Variants in AHCYL2 observed in about 807,000 individuals in gnomAD.
AHCYL2 encodes the protein S-adenosylhomocysteine hydrolase-like protein 2.
AHCYL2 carries 28 observed loss-of-function variants against 81.4 expected under a neutral mutation model. The ratio of observed to expected loss-of-function variants is 0.34; its 90% CI spans 0.25 to 0.47. The LOEUF (loss-of-function observed/expected upper bound fraction) is 0.47. Ranked by LOEUF, AHCYL2 falls within the 20% of genes least tolerant of loss-of-function variation. The pLI, the probability that AHCYL2 is intolerant of heterozygous loss-of-function variation, is 1.00. For synonymous variants in AHCYL2, 272 were observed against 290.2 expected (o/e 0.94, Z 0.64); for missense variants, 551 against 785.1 (o/e 0.70, Z 3.56).
Position 129,233,604 on chromosome 7 carries a change from C to T in AHCYL2, c.363+8165C>T, listed in dbSNP as rs536428636. ...CCGGGTTCAAGCGATTCTCCTGCCT[C>T]AGCCTCATGAGTAGCTGGGACTACA... is the stretch of plus-strand genomic sequence containing the variant. On this transcript the variant is annotated intron_variant, in intron 1 of 16. Transcript: ENST00000325006. Among the ~76,000 whole-genome samples the T allele has an allele frequency of 3.7e-4, 56 of 152,302 alleles. 2 individuals carry two copies. In the South Asian group the frequency reaches 0.011, roughly 31 times the overall value.
intron 1 of AHCYL2, among the ~76,000 whole-genome samples, chr7:129,278,855 T>A (rs1796319353): frequency 6.6e-6 from 1 of 151,678 alleles, no homozygotes; most frequent in African/African-American, 2.4e-5. Flanking sequence ...TCTTGCACCT[T>A]TGTTGAAAAT....
At chr7:129,232,198 G>T (rs1370401394) in intron 1 of AHCYL2, among the ~76,000 whole-genome samples, 1 of 152,130 alleles carries the variant, frequency 6.6e-6, no homozygotes, top group Non-Finnish European at 1.5e-5. Flanking sequence ...CTTGGCTTCA[G>T]TGTCACTTAT....
chr7:129,305,879 A>G (rs1584765209), intron 1 of AHCYL2, among the ~76,000 whole-genome samples: 1 of 152,348 alleles, frequency 6.6e-6, no homozygotes. Context: ...GTTCTAGGAT[A>G]AAAGATTTTT....
chr7:129,341,621 G>C (rs1286340200), intron 1 of AHCYL2, among the ~76,000 whole-genome samples: 1 of 152,190 alleles, frequency 6.6e-6, no homozygotes. Flanking sequence ...GAAGAGATCT[G>C]GCGGCGGCAG....
chr7:129,265,754 T>G (rs1426352870), intron 1 of AHCYL2, among the ~76,000 whole-genome samples: 1 of 152,156 alleles, frequency 6.6e-6, no homozygotes, highest in Non-Finnish European at 1.5e-5. Context: ...GACAGGATCA[T>G]ATTTAAGTTT....
rs149262979 is a variant in AHCYL2 at position 129,286,036 on chromosome 7, C to T, written c.363+60597C>T. Reference sequence around the variant, plus strand: ...CTAAATCCTCTATTTAAACCAGGGCCACCTTCCTACCCCCAACCTCCACCA... The same window carrying T: ...CTAAATCCTCTATTTAAACCAGGGCTACCTTCCTACCCCCAACCTCCACCA... On this transcript the variant is annotated intron_variant, in intron 1 of 16. Coordinates refer to ENST00000325006, the MANE Select transcript of AHCYL2 (RefSeq NM_015328.4). Among the ~76,000 whole-genome samples the T allele has an allele frequency of 1.1e-4, 17 of 152,130 alleles. No individual in the cohort carries two copies. In the East Asian group the frequency reaches 3.1e-3, roughly 28 times the overall value.
At chr7:129,282,574 C>T (rs1796482817) in intron 1 of AHCYL2, among the ~76,000 whole-genome samples, 1 of 152,098 alleles carries the variant, frequency 6.6e-6, no homozygotes, top group South Asian at 2.1e-4. Flanking sequence ...TTTTCTTTCT[C>T]CCATGTTTCT....
chr7:129,315,456 C>T (rs1797799250), intron 1 of AHCYL2, among the ~76,000 whole-genome samples: 1 of 152,178 alleles, frequency 6.6e-6, no homozygotes, highest in African/African-American at 2.4e-5. Flanking sequence ...TCTGCCTTTG[C>T]TCTGGAATTT....
chr7:129,367,297 T>C (rs1162873369), intron 1 of AHCYL2, among the ~76,000 whole-genome samples: 1 of 152,200 alleles, frequency 6.6e-6, no homozygotes, highest in Non-Finnish European at 1.5e-5. Context: ...AGAGTCCTGG[T>C]CCTTAAAGGG....
chr7:129,407,450 C>T (rs1327839185), intron 10 of AHCYL2, among the ~76,000 whole-genome samples: 1 of 152,042 alleles, frequency 6.6e-6, no homozygotes. Flanking sequence ...TAAATAATAG[C>T]TGTTATTAAA....
chr7:129,403,860 C>CAAAAAAAAAAAA (rs34806455), intron 7 of AHCYL2, among the ~76,000 whole-genome samples: 35 of 80,188 alleles, frequency 4.4e-4, no homozygotes, highest in Non-Finnish European at 6.4e-4. Flanking sequence ...GACTCCATCT[C>CAAAAAAAAAAAA]AAAAAAAAAA....
At chr7:129,264,315 C>T (rs903172169) in intron 1 of AHCYL2, among the ~76,000 whole-genome samples, 4 of 152,188 alleles carry the variant, frequency 2.6e-5, no homozygotes, top group Non-Finnish European at 5.9e-5. Flanking sequence ...CCACTGCGCC[C>T]GGCCAGTAGA....
At chr7:129,416,900 T>C (rs1796882145) in intron 12 of AHCYL2, among the ~76,000 whole-genome samples, 1 of 152,092 alleles carries the variant, frequency 6.6e-6, no homozygotes, top group Admixed American at 6.6e-5. Context: ...GGATGATTAC[T>C]TGAGCCCAGG....
At chr7:129,405,578 A>G (rs1434493053) in intron 8 of AHCYL2, 1 of 413,178 alleles carries the variant, frequency 2.4e-6, no homozygotes, top group Non-Finnish European at 4.2e-6. Flanking sequence ...GAAAATATGT[A>G]TTTTATTTAA....
At chr7:129,398,820 T>C (rs1399307853) in intron 5 of AHCYL2, among the ~76,000 whole-genome samples, 1 of 152,018 alleles carries the variant, frequency 6.6e-6, no homozygotes, top group Non-Finnish European at 1.5e-5. Context: ...CAAGGACATA[T>C]ATAATAAATG....
At chr7:129,285,696 CTTTTTTTTT>C (rs71526096) in intron 1 of AHCYL2, among the ~76,000 whole-genome samples, 36 of 100,598 alleles carry the variant, frequency 3.6e-4, no homozygotes, top group Non-Finnish European at 5.9e-4. Flanking sequence ...CTCTCTCTCT[CTTTTTTTTT>C]TTTTTTTTTT....
At chr7:129,392,691 T>G (rs1230334495) in intron 4 of AHCYL2, among the ~76,000 whole-genome samples, 1 of 152,210 alleles carries the variant, frequency 6.6e-6, no homozygotes, top group Non-Finnish European at 1.5e-5. Flanking sequence ...AAGTAGAAAA[T>G]TAACATTGAT....
intron 1 of AHCYL2, among the ~76,000 whole-genome samples, chr7:129,352,706 C>G (rs1034263629): frequency 1.3e-5 from 2 of 152,114 alleles, no homozygotes; most frequent in Admixed American, 1.3e-4. Flanking sequence ...TGCCATTAGC[C>G]TATTCCAGGT....
At chr7:129,240,218 CAA>C (rs951367301) in intron 1 of AHCYL2, among the ~76,000 whole-genome samples, 5 of 149,740 alleles carry the variant, frequency 3.3e-5, no homozygotes, top group Admixed American at 6.7e-5. Flanking sequence ...AAATCCGCCT[CAA>C]AAAAAAAAAA....
Sources: gnomAD v4.1 joint callset for allele counts (sites outside exome capture counted in the v4.1 genomes callset) on GRCh38, gnomAD v4.1.1 for gene constraint, MANE v1.5 for transcripts, NCBI Gene and HGNC (gene_info 2026-07-23, HGNC 2026-07-21) for gene names.